The following PSMD13 variants were observed in gnomAD, a reference collection of about 807,000 sequenced individuals.
PSMD13 encodes the protein 26S proteasome non-ATPase regulatory subunit 13.
Under a neutral mutation model 57.4 loss-of-function variants are expected in PSMD13, and 8 were observed. That is an observed-to-expected ratio of 0.14 (90% CI 0.08 to 0.25). The LOEUF (loss-of-function observed/expected upper bound fraction) is 0.25, where lower values mean the gene tolerates loss of function less well. Ranked by LOEUF, PSMD13 falls within the 10% of genes least tolerant of loss-of-function variation. PSMD13 has a pLI of 1.00. For synonymous variants in PSMD13, 193 were observed against 168.2 expected, an observed-to-expected ratio of 1.15 and a Z score of -1.14; for missense variants, 400 against 461.5, an observed-to-expected ratio of 0.87 and a Z score of 1.22.
Position 251,022 on chromosome 11 carries a change from C to A in PSMD13, c.837+157C>A. On this transcript the variant is annotated intron_variant, in intron 10 of 12. Transcript: ENST00000532097. The surrounding 1 kb of genome is among the most constrained non-coding windows in gnomAD (Gnocchi z 4.6). ...TCACCACCTTCCTTTTCCTTTGCTA[C>A]CACTTGCTCTTCTAAGTTTATATTT... 1.5e-6 allele frequency: 1 copy of A among 678,804 alleles called. No individual in the cohort carries two copies. Among genetic ancestry groups the A allele is most frequent in the Non-Finnish European group, 2.5e-6 (1 of 392,642 alleles). The allele number at this position is 678,804 out of a possible 1,614,324, so 42.0% of individuals were successfully genotyped here.
intron 2 of PSMD13, 87 bp downstream of exon 2, chr11:239,163 A>G (rs1219154192): frequency 3.3e-6 from 4 of 1,221,860 alleles, no homozygotes; most frequent in Non-Finnish European, 4.9e-6. Flanking sequence ...AATAATAATA[A>G]TAAGCTCCAA....
intron 6 of PSMD13, 62 bp from the exon 7 acceptor site, chr11:247,215 T>C: frequency 4.7e-6 from 7 of 1,502,032 alleles, no homozygotes; most frequent in Non-Finnish European, 6.2e-6. Flanking sequence ...AGACCCTGTC[T>C]CTAAAAAAAT....
At chr11:250,446 C>T (rs1271923368) in intron 9 of PSMD13, among the ~76,000 whole-genome samples, 1 of 152,240 alleles carries the variant, frequency 6.6e-6, no homozygotes, top group Non-Finnish European at 1.5e-5. Context: ...AAGAACCCCC[C>T]TGGGCAGTAG....
At chr11:243,255 TGCC>T in intron 2 of PSMD13, 1 of 470,668 alleles carries the variant, frequency 2.1e-6, no homozygotes, top group Admixed American at 2.6e-5. Context: ...AGATAGAGGC[TGCC>T]ATTTTCCTGT....
chr11:241,471 G>A (rs1859514478), intron 2 of PSMD13, among the ~76,000 whole-genome samples: 1 of 152,186 alleles, frequency 6.6e-6, no homozygotes, highest in Non-Finnish European at 1.5e-5. Context: ...ACTGTTTCTT[G>A]TGTGCCTGAT....
chr11:246,026 G>C lies in PSMD13; in HGVS notation c.397-1251G>C, dbSNP rs1041346281. Among the ~76,000 whole-genome samples, 6 of 152,052 alleles carry C rather than the reference G, an allele frequency of 3.9e-5. No individual in the cohort carries two copies. In the South Asian group the frequency reaches 1.0e-3, roughly 26 times the overall value. On this transcript the variant is annotated intron_variant, in intron 6 of 12. Transcript: ENST00000532097. ...CAGACCACACTTCTCCCCCAGCCAGGCTCCCTCTCATGCCCATGCATTTCC... is the reference window on the plus strand; with the variant it reads ...CAGACCACACTTCTCCCCCAGCCAGCCTCCCTCTCATGCCCATGCATTTCC...
At chr11:244,392 T>C in intron 4 of PSMD13, 34 bp from the exon 5 acceptor site, 1 of 1,601,836 alleles carries the variant, frequency 6.2e-7, no homozygotes, top group East Asian at 2.2e-5. Flanking sequence ...AACCAGTCTG[T>C]TGATGGTCCT....
At chr11:245,236 C>A (rs1859605930) in intron 6 of PSMD13, among the ~76,000 whole-genome samples, 1 of 152,222 alleles carries the variant, frequency 6.6e-6, no homozygotes, top group Admixed American at 6.5e-5. Context: ...AGCCGCTGCG[C>A]CCAGCCCCCC....
rs763149429 is a variant in PSMD13 at position 237,107 on chromosome 11, G to C, written c.58G>C (p.Ala20Pro). Residue 20 changes from alanine (A) to proline (P), a missense_variant, in exon 1 of 13, where the codon GCT becomes CCT. Physicochemically the swap from Ala to Pro is conservative, Grantham distance 27. Coordinates refer to ENST00000532097, the MANE Select transcript of PSMD13 (RefSeq NM_002817.4). ...CCAGAACTCCGGGCCCGGGCAGCCC[G>C]CTGTGTGGCACCGTCTGGAGGAGCT... ...QSQNSGPGQPAVWHRLEELYT... is the reference protein window; with the variant it reads ...QSQNSGPGQPPVWHRLEELYT... The C allele has an allele frequency of 1.5e-5, 24 of 1,611,792 alleles. No homozygotes were observed. The highest frequency in any genetic ancestry group is 3.3e-4 in the Middle Eastern group (2 of 6,032).
At chr11:249,481 A>G (rs1255878991) in intron 9 of PSMD13, among the ~76,000 whole-genome samples, 1 of 151,476 alleles carries the variant, frequency 6.6e-6, no homozygotes, top group Non-Finnish European at 1.5e-5. Context: ...AGTGGGTGGG[A>G]GAGAGCATGG....
chr11:252,686 C>A lies in PSMD13; in HGVS notation c.*86C>A. 7.7e-7 allele frequency: 1 copy of A among 1,291,732 alleles called. No individual in the cohort carries two copies. Among genetic ancestry groups the A allele is most frequent in the Non-Finnish European group, 1.1e-6 (1 of 897,190 alleles). The allele number at this position is 1,291,732 out of a possible 1,614,324, so 80.0% of individuals were successfully genotyped here. A position where few individuals can be genotyped will look rare whatever the true frequency, so the allele number is the denominator to read the frequency against. On this transcript the variant is annotated 3_prime_UTR_variant, in exon 13 of 13. Transcript: ENST00000532097. The surrounding 1 kb of genome is among the most constrained non-coding windows in gnomAD (Gnocchi z 4.1). ...TGAAGCTGGCTGCTCAGACGGTCGA[C>A]ATTGAATTTGGGTGGGGGTTGGGAT...
chr11:240,860 T>G (rs1382277050), intron 2 of PSMD13, among the ~76,000 whole-genome samples: 2 of 152,188 alleles, frequency 1.3e-5, no homozygotes, highest in African/African-American at 2.4e-5. Context: ...AGACGGAGTT[T>G]CATTCTTATC....
chr11:237,017 T>A lies in PSMD13; in HGVS notation c.-33T>A, dbSNP rs778239477. 1 of 1,554,188 alleles carries A rather than the reference T, an allele frequency of 6.4e-7. No homozygotes were observed. The highest frequency in any genetic ancestry group is 8.9e-7 in the Non-Finnish European group (1 of 1,126,462). On this transcript the variant is annotated 5_prime_UTR_variant, in exon 1 of 13. The change creates a new upstream start codon in the 5' untranslated region. Transcript: ENST00000532097. ...CATCCCCGCGGTGCTGACATCCCGG[T>A]TGTTCTTCTGTGCCGGGGGTCTTCC... is the stretch of plus-strand genomic sequence containing the variant.
At chr11:239,659 G>T (rs556114296) in intron 2 of PSMD13, among the ~76,000 whole-genome samples, 1 of 152,112 alleles carries the variant, frequency 6.6e-6, no homozygotes, top group Non-Finnish European at 1.5e-5. Flanking sequence ...ATAGTGTCAT[G>T]CTGCCTCTGT....
chr11:244,827 A>G, intron 6 of PSMD13, 66 bp downstream of exon 6: 1 of 1,298,780 alleles, frequency 7.7e-7, no homozygotes. Context: ...GAAAAAAAAT[A>G]ACCTATTTTT....
intron 1 of PSMD13, 88 bp downstream of exon 1, chr11:237,232 T>C: frequency 7.7e-7 from 1 of 1,302,864 alleles, no homozygotes; most frequent in South Asian, 1.3e-5. Flanking sequence ...CTTGATGGGC[T>C]GAGGGCGCCC....
At chr11:243,946 T>C (rs1322184515) in intron 2 of PSMD13, 95 bp from the exon 3 acceptor site, 2 of 1,293,100 alleles carry the variant, frequency 1.5e-6, no homozygotes, top group Non-Finnish European at 2.2e-6. Flanking sequence ...CTTGATAGCA[T>C]TGATGCAGCT....
At chr11:247,481 G>A (rs774843307) in intron 7 of PSMD13, 33 bp downstream of exon 7, 2 of 1,597,458 alleles carry the variant, frequency 1.3e-6, no homozygotes, top group Non-Finnish European at 1.7e-6. Context: ...TGTCACACAG[G>A]AGCATATTCT....
At chr11:240,487 C>T (rs866621694) in intron 2 of PSMD13, among the ~76,000 whole-genome samples, 24 of 152,258 alleles carry the variant, frequency 1.6e-4, no homozygotes, top group Middle Eastern at 3.4e-3. Flanking sequence ...TTATCTCTGT[C>T]CTTTGGTTTC....
Sources: gnomAD v4.1 joint callset for allele counts (sites outside exome capture counted in the v4.1 genomes callset) on GRCh38, gnomAD v4.1.1 for gene constraint, Gnocchi (gnomAD v3.1) non-coding constraint, MANE v1.5 for transcripts, NCBI Gene and HGNC (gene_info 2026-07-23, HGNC 2026-07-21) for gene names.